The following DMD variants were observed in gnomAD, a reference collection of about 807,000 sequenced individuals.
The protein encoded by DMD is dystrophin.
In DMD, 63 loss-of-function variants were observed where a neutral mutation model predicts 330.1. The observed-to-expected ratio is 0.19, with a 90% CI of 0.16 to 0.24. The LOEUF (loss-of-function observed/expected upper bound fraction) is 0.24, where lower values mean the gene tolerates loss of function less well. Among genes scored for constraint, DMD ranks in the 10% least tolerant of loss-of-function variants. DMD has a pLI of 1.00. For missense variants in DMD, 3,344 were observed against 2,684.1 expected, an observed-to-expected ratio of 1.25 and a Z score of -5.43; for synonymous variants, 1,223 against 959.8, an observed-to-expected ratio of 1.27 and a Z score of -5.07.
At chrX:32,488,007 G>C (rs1479209500) in intron 20 of DMD, among the ~76,000 whole-genome samples, 1 of 110,067 alleles carries the variant, frequency 9.1e-6, no homozygotes, top group East Asian at 2.9e-4. Flanking sequence ...TATTTGGCCA[G>C]ATGGAGGGCT....
At position 31,165,525 on chromosome X, in the gene DMD, T is replaced by C. The variant is rs751907684; in HGVS notation, c.10553+3918A>G. 4.9e-4 allele frequency among the ~76,000 whole-genome samples: 55 copies of C among 111,929 alleles called. No individual in the cohort carries two copies. The Middle Eastern group carries it at 0.014, about 28-fold the overall frequency. ...AAAGGCTACCTTTTCATTGCTAGGA[T>C]CATACCTTGAATTTCAGAGCAAGTC... On this transcript the variant is annotated intron_variant, in intron 74 of 78. Transcript: ENST00000357033.
intron 16 of DMD, among the ~76,000 whole-genome samples, chrX:32,553,902 T>C (rs919374563): frequency 9.0e-6 from 1 of 111,515 alleles, no homozygotes; most frequent in Admixed American, 9.5e-5. Flanking sequence ...TGGCAACCCT[T>C]GCCAGATCGT....
intron 44 of DMD, among the ~76,000 whole-genome samples, chrX:32,146,270 T>C (rs762298960): frequency 9.0e-6 from 1 of 111,566 alleles, no homozygotes; most frequent in African/African-American, 3.3e-5. Context: ...ACATAGATGA[T>C]AGAGATAGAT....
intron 2 of DMD, among the ~76,000 whole-genome samples, chrX:32,866,724 TGGGGGGGGGTGGGGG>T (rs2082514925): frequency 1.0e-4 from 4 of 38,413 alleles, no homozygotes; most frequent in African/African-American, 6.8e-4. Flanking sequence ...CACTTTTTTT[TGGGGGGGGGTGGGGG>T]GGTGGGGGGG....
At chrX:32,949,375 TAGATAGATAGATAGATAGACAGAC>T (rs1177253173) in intron 2 of DMD, among the ~76,000 whole-genome samples, 3 of 97,468 alleles carry the variant, frequency 3.1e-5, no homozygotes, top group African/African-American at 1.2e-4. Context: ...GATAGATAGA[TAGATAGATAGATAGATAGACAGAC>T]AGACAGACAG....
chrX:32,560,382 T>C (rs918036370), intron 16 of DMD, among the ~76,000 whole-genome samples: 3 of 111,220 alleles, frequency 2.7e-5, no homozygotes, highest in African/African-American at 9.8e-5. Flanking sequence ...AGGAAAGTAA[T>C]GCTTCAAATC....
intron 7 of DMD, among the ~76,000 whole-genome samples, chrX:32,740,124 C>T (rs1170809226): frequency 9.2e-6 from 1 of 108,504 alleles, no homozygotes; most frequent in East Asian, 2.9e-4. Flanking sequence ...TACGGGTTAT[C>T]GTGTGCTTTC....
intron 17 of DMD, among the ~76,000 whole-genome samples, chrX:32,540,685 A>C (rs2048405297): frequency 8.9e-6 from 1 of 112,157 alleles, no homozygotes; most frequent in Admixed American, 9.5e-5. Context: ...AGTAAAACAT[A>C]AAGAAGTGTA....
At chrX:32,621,119 C>T in intron 11 of DMD, among the ~76,000 whole-genome samples, 1 of 110,696 alleles carries the variant, frequency 9.0e-6, no homozygotes, top group Admixed American at 9.6e-5. Context: ...GAAATGAGAG[C>T]AATTGAATTG....
chrX:32,286,400 A>G (rs1448982866), intron 43 of DMD, among the ~76,000 whole-genome samples: 1 of 112,288 alleles, frequency 8.9e-6, no homozygotes, highest in Non-Finnish European at 1.9e-5. Flanking sequence ...ATCTGAAGTG[A>G]GACCTGAAGA....
chrX:32,108,793 T>A (rs903951773), intron 44 of DMD, among the ~76,000 whole-genome samples: 11 of 111,952 alleles, frequency 9.8e-5, no homozygotes, highest in Non-Finnish European at 1.7e-4. Flanking sequence ...GATGGTTTTT[T>A]AAATAACGTG....
At chrX:32,420,012 C>T (rs746741220) in intron 29 of DMD, among the ~76,000 whole-genome samples, 3 of 111,539 alleles carry the variant, frequency 2.7e-5, no homozygotes, top group East Asian at 2.8e-4. Context: ...CAAACTGATG[C>T]TTTATTTAAG....
intron 67 of DMD, among the ~76,000 whole-genome samples, chrX:31,196,543 G>A (rs2042901889): frequency 9.1e-6 from 1 of 110,305 alleles, no homozygotes; most frequent in Admixed American, 9.7e-5. Context: ...AAATGGAATC[G>A]GCCAGGTGTG....
intron 55 of DMD, among the ~76,000 whole-genome samples, chrX:31,546,122 C>T (rs747965046): frequency 8.9e-6 from 1 of 112,300 alleles, no homozygotes; most frequent in South Asian, 3.7e-4. Flanking sequence ...AGATGATTTT[C>T]CCGAGTCTTC....
At chrX:31,749,920 C>G (rs1164346531) in intron 51 of DMD, among the ~76,000 whole-genome samples, 1 of 105,523 alleles carries the variant, frequency 9.5e-6, no homozygotes, top group Non-Finnish European at 1.9e-5. Context: ...TTTCATGTGT[C>G]TTTTGGCTGC....
chrX:32,822,694 G>A (rs944001930), intron 5 of DMD, among the ~76,000 whole-genome samples: 5 of 108,363 alleles, frequency 4.6e-5, no homozygotes, highest in Non-Finnish European at 7.7e-5. Flanking sequence ...ATATATATAC[G>A]CATATATACT....
chrX:31,242,151 G>A (rs1322359611), intron 63 of DMD, among the ~76,000 whole-genome samples: 1 of 107,589 alleles, frequency 9.3e-6, no homozygotes, highest in African/African-American at 3.4e-5. Context: ...AGCTGCCTGG[G>A]GGGCTGAGGC....
intron 12 of DMD, among the ~76,000 whole-genome samples, chrX:32,600,138 G>A (rs1321502017): frequency 2.7e-5 from 3 of 111,975 alleles, no homozygotes; most frequent in Non-Finnish European, 5.6e-5. Flanking sequence ...CAGTGATACT[G>A]AATTCTTCTG....
At chrX:32,617,287 T>C (rs191409342) in intron 11 of DMD, among the ~76,000 whole-genome samples, 34 of 111,724 alleles carry the variant, frequency 3.0e-4, no homozygotes, top group African/African-American at 9.1e-4. Flanking sequence ...AGGATGTTTT[T>C]TATTTCCCAC....
Sources: allele counts gnomAD v4.1 joint callset (sites outside exome capture counted in the v4.1 genomes callset), GRCh38; gene constraint gnomAD v4.1.1; transcripts MANE v1.5; gene names NCBI Gene and HGNC (gene_info 2026-07-23, HGNC 2026-07-21).